The following PLEKHG1 variants were observed in gnomAD, a reference collection of about 807,000 sequenced individuals.
PLEKHG1 encodes pleckstrin homology domain-containing family G member 1.
Under a neutral mutation model 100.8 loss-of-function variants are expected in PLEKHG1, and 44 were observed. That is an observed-to-expected ratio of 0.44 (90% CI 0.34 to 0.56). The LOEUF is 0.56. Ranked by LOEUF, PLEKHG1 falls within the 20% of genes least tolerant of loss-of-function variation. PLEKHG1 has a pLI of 0.01. For missense variants in PLEKHG1, 1,545 were observed against 1,720.9 expected, an observed-to-expected ratio of 0.90 and a Z score of 1.81; for synonymous variants, 640 against 662.5, an observed-to-expected ratio of 0.97 and a Z score of 0.52.
At chr6:150,700,973 T>C (rs1582965150) in intron 3 of PLEKHG1, among the ~76,000 whole-genome samples, 1 of 149,178 alleles carries the variant, frequency 6.7e-6, no homozygotes, top group East Asian at 1.9e-4. Context: ...GGGTTATATA[T>C]TAAAAATGTT....
At chr6:150,639,983 C>T (rs1359614178) in intron 2 of PLEKHG1, among the ~76,000 whole-genome samples, 1 of 152,198 alleles carries the variant, frequency 6.6e-6, no homozygotes, top group Non-Finnish European at 1.5e-5. Flanking sequence ...ATGGAAAAAC[C>T]CTAAGGCCTA....
intron 1 of PLEKHG1, among the ~76,000 whole-genome samples, chr6:150,606,388 C>T (rs1022162716): frequency 2.0e-5 from 3 of 152,302 alleles, no homozygotes; most frequent in East Asian, 1.9e-4. Context: ...CCCTATCCCA[C>T]GAGCTGAGGT....
intron 14 of PLEKHG1, among the ~76,000 whole-genome samples, chr6:150,828,753 C>T (rs147620854): frequency 6.6e-6 from 1 of 152,194 alleles, no homozygotes; most frequent in African/African-American, 2.4e-5. Flanking sequence ...AATTTTATTA[C>T]ACTTTAAAAA....
intron 3 of PLEKHG1, 86 bp from the exon 5 acceptor site, chr6:150,786,304 G>A: frequency 2.3e-6 from 2 of 864,312 alleles, no homozygotes; most frequent in East Asian, 5.0e-5. Flanking sequence ...AAATGCCATG[G>A]AAATGTTTAA....
At chr6:150,653,261 C>G (rs970593197) in intron 3 of PLEKHG1, among the ~76,000 whole-genome samples, 6 of 152,000 alleles carry the variant, frequency 3.9e-5, no homozygotes, top group African/African-American at 1.5e-4. Flanking sequence ...TGGAACCTAG[C>G]TTGTATTATA....
At chr6:150,716,156 C>G (rs1366531749), upstream of PLEKHG1, among the ~76,000 whole-genome samples, 1 of 151,006 alleles carries the variant, frequency 6.6e-6, no homozygotes, top group Non-Finnish European at 1.5e-5. Flanking sequence ...CTTGTTCTTT[C>G]AAAGAAAAAA....
chr6:150,802,596 C>A (rs140620825), intron 6 of PLEKHG1, among the ~76,000 whole-genome samples: 1 of 151,532 alleles, frequency 6.6e-6, no homozygotes, highest in African/African-American at 2.4e-5. Flanking sequence ...AAACTAACTT[C>A]TGGTTGCTTT....
Position 150,733,930 on chromosome 6 carries a change from C to A in PLEKHG1, c.249C>A (p.Ser83Arg), listed in dbSNP as rs757293543. ...GGCAACAGAACGCGGATGAGGGCAG[C>A]GAAAGGCCACCCAGAGCGCAGTGGA... The change falls in exon 2 of 16, where the codon AGC (serine) becomes AGA (arginine). Residue 83 changes from serine to arginine, a missense_variant. Physicochemically the swap from Ser to Arg is moderately radical, Grantham distance 110 (BLOSUM62 -1). Transcript: ENST00000358517. 3 of 1,614,182 alleles carry A rather than the reference C, an allele frequency of 1.9e-6. 1 individual carries two copies. In the Admixed American group the frequency reaches 5.0e-5, roughly 27 times the overall value.
At chr6:150,611,863 G>A (rs1375708569) in intron 1 of PLEKHG1, among the ~76,000 whole-genome samples, 4 of 151,680 alleles carry the variant, frequency 2.6e-5, no homozygotes, top group African/African-American at 9.7e-5. Flanking sequence ...AGAATATGCT[G>A]ATTTAACATT....
intron 15 of PLEKHG1, among the ~76,000 whole-genome samples, chr6:150,833,522 C>G (rs1777070545): frequency 6.6e-6 from 1 of 152,202 alleles, no homozygotes; most frequent in Non-Finnish European, 1.5e-5. Context: ...GAATGAGATG[C>G]TCATGGTTAG....
chr6:150,677,283 T>TACGCACGCAC (rs756621195), intron 3 of PLEKHG1, among the ~76,000 whole-genome samples: 1 of 134,138 alleles, frequency 7.5e-6, no homozygotes, highest in Non-Finnish European at 1.7e-5. Context: ...TTTCTTCCCC[T>TACGCACGCAC]ATACACACAC....
intron 3 of PLEKHG1, among the ~76,000 whole-genome samples, chr6:150,658,481 G>C (rs1238174285): frequency 2.0e-5 from 3 of 152,126 alleles, no homozygotes; most frequent in Admixed American, 6.5e-5. Flanking sequence ...ACGGAGTTCA[G>C]CAATTTCCCA....
chr6:150,788,273 T>A (rs1341168547), intron 4 of PLEKHG1, among the ~76,000 whole-genome samples: 1 of 152,214 alleles, frequency 6.6e-6, no homozygotes, highest in Non-Finnish European at 1.5e-5. Context: ...CTGCCTGCCT[T>A]TCACTCAGCA....
chr6:150,775,438 A>G (rs1392978278), intron 3 of PLEKHG1, among the ~76,000 whole-genome samples: 1 of 152,202 alleles, frequency 6.6e-6, no homozygotes, highest in Non-Finnish European at 1.5e-5. Flanking sequence ...AGATCAGAGT[A>G]AAACTTTCCT....
Position 150,831,590 on chromosome 6 carries a change from G to T in PLEKHG1, c.2479G>T (p.Val827Leu). The change falls in exon 15 of 16, where the codon GTA (valine) becomes TTA (leucine). Residue 827 changes from valine to leucine, a missense_variant. Physicochemically the swap from Val to Leu is conservative, Grantham distance 32 (BLOSUM62 1). Coordinates refer to ENST00000358517, the Ensembl canonical transcript of PLEKHG1. This position sits in a 1 kb window ranked among gnomAD's most constrained non-coding sequence, Gnocchi z 4.1. ...TAACTTGTCTATGCCTCATAAGCCT[G>T]TATCTGATAAACTGTCCGAAGAAGT... The T allele has an allele frequency of 6.2e-7, 1 of 1,614,152 alleles. No homozygotes were observed. Among genetic ancestry groups the T allele is most frequent in the Non-Finnish European group, 8.5e-7 (1 of 1,180,024 alleles).
At chr6:150,812,537 AAG>A (rs1482476730) in intron 10 of PLEKHG1, among the ~76,000 whole-genome samples, 2 of 152,194 alleles carry the variant, frequency 1.3e-5, no homozygotes, top group Non-Finnish European at 2.9e-5. Flanking sequence ...TTTGGCAACT[AAG>A]AGAAAAGGGA....
chr6:150,681,977 G>A (rs893678154), intron 3 of PLEKHG1, among the ~76,000 whole-genome samples: 1 of 152,124 alleles, frequency 6.6e-6, no homozygotes, highest in African/African-American at 2.4e-5. Context: ...ACTCCACCCC[G>A]ATTCTAAAAA....
intron 3 of PLEKHG1, among the ~76,000 whole-genome samples, chr6:150,659,129 T>A (rs1199181726): frequency 6.6e-6 from 1 of 150,872 alleles, no homozygotes; most frequent in East Asian, 1.9e-4. Context: ...GTGTTGGGAC[T>A]GGGTTCTCTC....
Position 150,727,271 on chromosome 6 carries a change from A to G in PLEKHG1, c.-99+6071A>G, listed in dbSNP as rs146112925. Among the ~76,000 whole-genome samples, 340 of 152,188 alleles carry G rather than the reference A, an allele frequency of 2.2e-3. 2 individuals are homozygous for G. The highest frequency in any genetic ancestry group is 6.8e-3 in the Middle Eastern group (2 of 294). ...GAGTAGAATTTCTGTCTTGCCTCCT[A>G]AGTTTCTCCTTGGGAGTTGTAGGTT... On this transcript the variant is annotated intron_variant, in intron 1 of 15. Coordinates refer to ENST00000358517, the Ensembl canonical transcript of PLEKHG1.
Sources: allele counts gnomAD v4.1 joint callset (sites outside exome capture counted in the v4.1 genomes callset), GRCh38; gene constraint gnomAD v4.1.1; non-coding constraint Gnocchi (gnomAD v3.1); transcripts MANE v1.5; gene names NCBI Gene and HGNC (gene_info 2026-07-23, HGNC 2026-07-21).